Variants in CABIN1 observed in about 807,000 individuals in gnomAD.
The protein encoded by CABIN1 is calcineurin binding protein 1.
In CABIN1, 133 loss-of-function variants were observed where a neutral mutation model predicts 227.7. The observed-to-expected ratio is 0.58, with a 90% CI of 0.51 to 0.67. CABIN1 has a LOEUF of 0.67. CABIN1 is among the 30% of genes least tolerant of loss of function. CABIN1 has a pLI of 0.00. For missense variants in CABIN1, 2,408 were observed against 2,852.5 expected (o/e 0.84, Z 3.55); for synonymous variants, 1,086 against 1,155.1 (o/e 0.94, Z 1.21).
chr22:24,052,892 A>T (rs1359994398), intron 8 of CABIN1, among the ~76,000 whole-genome samples: 1 of 152,108 alleles, frequency 6.6e-6, no homozygotes, highest in East Asian at 1.9e-4. Context: ...GCAAGGCACG[A>T]GTAAGGGAAA....
At chr22:24,154,682 TC>T (rs2045678375) in intron 29 of CABIN1, among the ~76,000 whole-genome samples, 1 of 152,094 alleles carries the variant, frequency 6.6e-6, no homozygotes, top group Admixed American at 6.5e-5. Flanking sequence ...CTCGAGGAGA[TC>T]CTGAGGCACT....
intron 34 of CABIN1, 126 bp from the exon 35 acceptor site, chr22:24,175,985 G>T: frequency 1.8e-6 from 2 of 1,127,204 alleles, no homozygotes; most frequent in East Asian, 5.1e-5. Context: ...CAGGACCCCA[G>T]CATTGGCCAC....
intron 27 of CABIN1, among the ~76,000 whole-genome samples, chr22:24,114,589 C>T (rs1204233547): frequency 6.6e-6 from 1 of 152,186 alleles, no homozygotes; most frequent in Non-Finnish European, 1.5e-5. Context: ...TGTCAGTGTA[C>T]ACCCTTAACC....
At chr22:24,056,703 C>A (rs2038824339) in intron 10 of CABIN1, among the ~76,000 whole-genome samples, 1 of 152,214 alleles carries the variant, frequency 6.6e-6, no homozygotes, top group Non-Finnish European at 1.5e-5. Flanking sequence ...CTGAAAACCC[C>A]ATGGAAGGGA....
At chr22:24,061,467 G>A (rs938587407) in intron 12 of CABIN1, among the ~76,000 whole-genome samples, 1 of 152,206 alleles carries the variant, frequency 6.6e-6, no homozygotes, top group Non-Finnish European at 1.5e-5. Flanking sequence ...TGCTCCCCTG[G>A]GGCAGTTGTG....
intron 26 of CABIN1, among the ~76,000 whole-genome samples, chr22:24,108,511 G>A (rs1288993488): frequency 6.6e-6 from 1 of 152,212 alleles, no homozygotes; most frequent in Non-Finnish European, 1.5e-5. Context: ...TTCTGGTCAG[G>A]TCTGTGCTCC....
intron 26 of CABIN1, among the ~76,000 whole-genome samples, chr22:24,112,359 G>A (rs2042857786): frequency 6.6e-6 from 1 of 152,184 alleles, no homozygotes; most frequent in South Asian, 2.1e-4. Context: ...TGCCCCAGTG[G>A]TGCAATCATA....
intron 25 of CABIN1, among the ~76,000 whole-genome samples, chr22:24,096,906 G>A (rs2041927395): frequency 6.6e-6 from 1 of 152,216 alleles, no homozygotes; most frequent in Non-Finnish European, 1.5e-5. Context: ...TGGGCACTGT[G>A]CGGGGTTCAG....
At position 24,083,379 on chromosome 22, in the gene CABIN1, C is replaced by T. The variant is rs775263871; in HGVS notation, c.2900C>T (p.Ser967Leu). 360 of 1,613,778 alleles carry T rather than the reference C, an allele frequency of 2.2e-4. No homozygotes were observed. The highest frequency in any genetic ancestry group is 3.0e-4 in the Non-Finnish European group (353 of 1,180,034). Residue 967 changes from serine to leucine, a missense_variant, in exon 20 of 37, where the codon TCG (serine) becomes TTG (leucine). By Grantham distance (145) the Ser-to-Leu change is moderately radical. Transcript: ENST00000263119. ...KSKARYLEEH[S>L]AQQVDLIWED... is the part of the protein sequence containing the mutation. Reference sequence around the variant, plus strand: ...AAGGCCAGGTACCTGGAGGAACACTCGGCCCAGCAGGTGAGGGTGCTGCAA... The same window carrying T: ...AAGGCCAGGTACCTGGAGGAACACTTGGCCCAGCAGGTGAGGGTGCTGCAA...
chr22:24,152,208 CATT>C (rs1230790536), intron 29 of CABIN1, among the ~76,000 whole-genome samples: 1 of 152,216 alleles, frequency 6.6e-6, no homozygotes, highest in East Asian at 1.9e-4. Context: ...CCAGGAAGGT[CATT>C]TCTGTCTTCC....
chr22:24,110,869 A>ATAT (rs1424422209), intron 26 of CABIN1, among the ~76,000 whole-genome samples: 9 of 149,128 alleles, frequency 6.0e-5, no homozygotes, highest in African/African-American at 2.2e-4. Flanking sequence ...CCTAGGTGTG[A>ATAT]TTTTTTTTTT....
intron 17 of CABIN1, 197 bp downstream of exon 17, chr22:24,071,239 T>A: frequency 2.9e-6 from 2 of 694,424 alleles, no homozygotes; most frequent in Non-Finnish European, 5.0e-6. Flanking sequence ...TGGTCGGATC[T>A]GGGGATTAGA....
intron 29 of CABIN1, among the ~76,000 whole-genome samples, chr22:24,139,422 C>T (rs563713277): frequency 3.3e-5 from 5 of 152,202 alleles, no homozygotes; most frequent in Admixed American, 6.5e-5. Context: ...AAAAATTAGC[C>T]GGGCGTGGTG....
intron 33 of CABIN1, 138 bp from the exon 34 acceptor site, chr22:24,171,575 G>T (rs2046814222): frequency 2.1e-6 from 2 of 935,274 alleles, no homozygotes; most frequent in Middle Eastern, 2.2e-4. Context: ...TGGGGGCTCA[G>T]TGGTGCCATA....
chr22:24,041,238 G>A lies in CABIN1; in HGVS notation c.310G>A (p.Glu104Lys), dbSNP rs914467553. The A allele has an allele frequency of 1.2e-6, 2 of 1,614,122 alleles. No individual in the cohort carries two copies. The highest frequency in any genetic ancestry group is 3.3e-5 in the Admixed American group (2 of 60,010). ...CTTGGCCCAGCTGGCAGCCCAGCGG[G>A]AGGATCTGGAGACAGCCATGGAGTT... ...KNLAQLAAQREDLETAMEFYL... is the reference protein window; with the variant it reads ...KNLAQLAAQRKDLETAMEFYL... Residue 104 changes from glutamate (E) to lysine (K), a missense_variant, in exon 5 of 37, where the codon GAG (glutamate) becomes AAG (lysine). By Grantham distance (56) the Glu-to-Lys change is moderately conservative (BLOSUM62 1). This residue lies in a region of CABIN1 where 1,045 missense variants were observed against 1,168.4 expected (regional missense o/e 0.89). Coordinates refer to ENST00000263119, the MANE Select transcript of CABIN1 (RefSeq NM_012295.4).
chr22:24,043,021 C>A lies in CABIN1; in HGVS notation c.463C>A (p.Pro155Thr). 6.2e-7 allele frequency: 1 copy of A among 1,614,038 alleles called. No homozygotes were observed. Among genetic ancestry groups the A allele is most frequent in the South Asian group, 1.1e-5 (1 of 91,076 alleles). The change falls in exon 6 of 37, where the codon CCT becomes ACT. Residue 155 changes from proline (P) to threonine (T), a missense_variant. Around this residue, in one of 3 missense-constraint regions of CABIN1, gnomAD observed 1,045 missense variants for 1,168.4 expected, o/e 0.89. Transcript: ENST00000263119. The stretch of plus-strand genomic sequence containing the variant: ...TTTTGAGGAAGGGCTGCGGTGCAAT[C>A]CTGACCACTGGCCCTGTTTGGATAA... ...HAFEEGLRCN[P>T]DHWPCLDNLI... is the part of the protein sequence containing the mutation.
intron 1 of CABIN1, among the ~76,000 whole-genome samples, chr22:24,013,368 T>C (rs1335213689): frequency 1.3e-5 from 2 of 151,936 alleles, no homozygotes; most frequent in East Asian, 3.9e-4. Context: ...TGCTAGTTTT[T>C]TGTATTTTTT....
At chr22:24,062,374 G>A (rs776557203) in intron 13 of CABIN1, among the ~76,000 whole-genome samples, 65 of 62,218 alleles carry the variant, frequency 1.0e-3, no homozygotes, top group South Asian at 2.9e-3. Flanking sequence ...TTTTTTTTTG[G>A]TAAGACAGCG....
At chr22:24,164,365 AC>A in intron 29 of CABIN1, 34 bp from the exon 30 acceptor site, 1 of 1,598,856 alleles carries the variant, frequency 6.3e-7, no homozygotes. Flanking sequence ...TGCCACAACC[AC>A]CCCCCTCACA....
Sources: gnomAD v4.1 joint callset for allele counts (sites outside exome capture counted in the v4.1 genomes callset) on GRCh38, gnomAD v4.1.1 for gene constraint, gnomAD v4.1.1 regional missense constraint, MANE v1.5 for transcripts, NCBI Gene and HGNC (gene_info 2026-07-23, HGNC 2026-07-21) for gene names.